XYLT1: variants seen among roughly 807,000 people sequenced by gnomAD.
XYLT1 encodes xylosyltransferase 1.
Under a neutral mutation model 91.3 loss-of-function variants are expected in XYLT1, and 36 were observed. The ratio of observed to expected loss-of-function variants is 0.39; its 90% CI spans 0.30 to 0.52. The LOEUF (loss-of-function observed/expected upper bound fraction) is 0.52. Among genes scored for constraint, XYLT1 ranks in the 20% least tolerant of loss-of-function variants. The probability of loss-of-function intolerance (pLI) is 0.68; values close to 1 mark genes in which losing one functional copy is unlikely to be tolerated. For missense variants in XYLT1, 1,242 were observed against 1,284.5 expected (o/e 0.97, Z 0.51); for synonymous variants, 588 against 532.0 (o/e 1.11, Z -1.45).
intron 10 of XYLT1, 30 bp downstream of exon 10, chr16:17,127,636 A>G (rs1297703924): frequency 6.2e-7 from 1 of 1,600,894 alleles, no homozygotes; most frequent in East Asian, 2.2e-5. Flanking sequence ...TGCAAAATAC[A>G]ATGAAATGTG....
At chr16:17,301,227 A>G (rs979479367) in intron 2 of XYLT1, among the ~76,000 whole-genome samples, 23 of 152,150 alleles carry the variant, frequency 1.5e-4, no homozygotes, top group African/African-American at 5.5e-4. Flanking sequence ...CCTGGCCAAC[A>G]TGGTGAAACT....
At chr16:17,206,487 C>T (rs1025197581) in intron 3 of XYLT1, among the ~76,000 whole-genome samples, 15 of 152,150 alleles carry the variant, frequency 9.9e-5, no homozygotes, top group South Asian at 8.3e-4. Flanking sequence ...GAACCAGCCA[C>T]GGGGGCCTGG....
intron 2 of XYLT1, among the ~76,000 whole-genome samples, chr16:17,321,695 G>A (rs1237957100): frequency 6.6e-6 from 1 of 152,020 alleles, no homozygotes; most frequent in African/African-American, 2.4e-5. Flanking sequence ...GTTCTCAATC[G>A]GGGGCAATTT....
At chr16:17,340,522 G>A (rs997297817) in intron 2 of XYLT1, among the ~76,000 whole-genome samples, 4 of 152,156 alleles carry the variant, frequency 2.6e-5, no homozygotes, top group South Asian at 2.1e-4. Context: ...AAGAACAATC[G>A]CCACCATTAC....
intron 2 of XYLT1, among the ~76,000 whole-genome samples, chr16:17,337,362 T>C (rs2034996299): frequency 6.6e-6 from 1 of 152,110 alleles, no homozygotes; most frequent in African/African-American, 2.4e-5. Flanking sequence ...TAATTTTTTA[T>C]AGAGATGAGA....
At chr16:17,379,866 C>T (rs1316413992) in intron 1 of XYLT1, among the ~76,000 whole-genome samples, 4 of 151,852 alleles carry the variant, frequency 2.6e-5, no homozygotes, top group Non-Finnish European at 5.9e-5. Context: ...CAAAGACCAT[C>T]ATTTGTATTT....
chr16:17,335,027 G>A (rs568816834), intron 2 of XYLT1, among the ~76,000 whole-genome samples: 3 of 151,956 alleles, frequency 2.0e-5, no homozygotes, highest in East Asian at 1.9e-4. Flanking sequence ...AGTTCGAAAT[G>A]AGCCTGGCCA....
chr16:17,144,176 T>C (rs1188566862), intron 6 of XYLT1, among the ~76,000 whole-genome samples: 1 of 152,212 alleles, frequency 6.6e-6, no homozygotes, highest in Non-Finnish European at 1.5e-5. Flanking sequence ...TGAGCTAGGG[T>C]TGTTCTTGTT....
chr16:17,457,628 T>C (rs777361714), intron 1 of XYLT1, among the ~76,000 whole-genome samples: 37 of 152,104 alleles, frequency 2.4e-4, no homozygotes, highest in Non-Finnish European at 2.1e-4. Context: ...TATCCCTCAA[T>C]AGGGTTACAA....
intron 3 of XYLT1, among the ~76,000 whole-genome samples, chr16:17,254,658 G>A (rs1387171159): frequency 6.6e-6 from 1 of 152,132 alleles, no homozygotes; most frequent in Non-Finnish European, 1.5e-5. Context: ...GCCTCCCAAA[G>A]TGCTGGGATT....
chr16:17,279,584 G>A (rs1486657896), intron 2 of XYLT1, among the ~76,000 whole-genome samples: 3 of 152,116 alleles, frequency 2.0e-5, no homozygotes, highest in South Asian at 2.1e-4. Context: ...ACAATTTATC[G>A]AGGGCGTCTT....
At chr16:17,115,312 TAAA>T (rs869095502) in intron 11 of XYLT1, among the ~76,000 whole-genome samples, 1,296 of 48,830 alleles carry the variant, frequency 0.027, 38 homozygotes, top group African/African-American at 0.081. Context: ...CAAAAATAGT[TAAA>T]AAAAAAAAAA....
At chr16:17,198,598 A>T (rs528113912) in intron 4 of XYLT1, among the ~76,000 whole-genome samples, 184 bp from the exon 5 acceptor site, 1 of 152,144 alleles carries the variant, frequency 6.6e-6, no homozygotes, top group East Asian at 1.9e-4. Context: ...AACTTGGATT[A>T]TTTTTTACAT....
intron 2 of XYLT1, among the ~76,000 whole-genome samples, chr16:17,297,975 C>T (rs1019307740): frequency 1.3e-5 from 2 of 151,286 alleles, no homozygotes; most frequent in African/African-American, 2.4e-5. Flanking sequence ...GAGCCGAGAT[C>T]GCGCCACTGC....
chr16:17,380,656 A>G (rs1217009591), intron 1 of XYLT1, among the ~76,000 whole-genome samples: 1 of 152,242 alleles, frequency 6.6e-6, no homozygotes, highest in African/African-American at 2.4e-5. Flanking sequence ...CTGGGTTCAC[A>G]ACCTAGTGAA....
chr16:17,334,775 C>G (rs947367088), intron 2 of XYLT1, among the ~76,000 whole-genome samples: 12 of 151,718 alleles, frequency 7.9e-5, no homozygotes, highest in Non-Finnish European at 1.8e-4. Context: ...CCCAGCTACT[C>G]GGGAGGCTGA....
At chr16:17,446,593 C>T (rs1295846607) in intron 1 of XYLT1, among the ~76,000 whole-genome samples, 1 of 152,196 alleles carries the variant, frequency 6.6e-6, no homozygotes, top group African/African-American at 2.4e-5. Flanking sequence ...AAACACAGTG[C>T]CCCTCCCAGT....
intron 1 of XYLT1, among the ~76,000 whole-genome samples, chr16:17,385,709 A>T (rs2035740728): frequency 6.6e-6 from 1 of 151,890 alleles, no homozygotes; most frequent in Non-Finnish European, 1.5e-5. Context: ...GCATTTGGTC[A>T]ATAGAGAGAC....
At chr16:17,221,063 G>A (rs2032958110) in intron 3 of XYLT1, among the ~76,000 whole-genome samples, 1 of 152,038 alleles carries the variant, frequency 6.6e-6, no homozygotes, top group African/African-American at 2.4e-5. Context: ...CCACCCTTAC[G>A]GCTTCATGGT....
Sources: allele counts gnomAD v4.1 joint callset (sites outside exome capture counted in the v4.1 genomes callset), GRCh38; gene constraint gnomAD v4.1.1; transcripts MANE v1.5; gene names NCBI Gene and HGNC (gene_info 2026-07-23, HGNC 2026-07-21).